The following LMO3 variants were observed in gnomAD, a reference collection of about 807,000 sequenced individuals.
LMO3 encodes the protein LIM domain only protein 3.
In LMO3, 2 loss-of-function variants were observed where a neutral mutation model predicts 15.8. That is an observed-to-expected ratio of 0.13 (90% CI 0.05 to 0.40). The LOEUF is 0.40. Ranked by LOEUF, LMO3 falls within the 10% of genes least tolerant of loss-of-function variation. The pLI is 0.99. For missense variants in LMO3, 86 were observed against 182.2 expected (o/e 0.47, Z 3.04); for synonymous variants, 62 against 63.8 (o/e 0.97, Z 0.13).
At chr12:16,553,342 A>G (rs1438465067) in intron 3 of LMO3, among the ~76,000 whole-genome samples, 1 of 152,176 alleles carries the variant, frequency 6.6e-6, no homozygotes, top group Non-Finnish European at 1.5e-5. Flanking sequence ...TGCAGGCTAC[A>G]AGAATAATGT....
Position 16,604,731 on chromosome 12 carries a change from T to C in LMO3, c.-9+1335A>G. ...GATTAATTGGTTTAAGCAGCAGTCT[T>C]TCAAAGCAGTTACAACAATAATATT... On this transcript the variant is annotated intron_variant, in intron 1 of 3. Transcript: ENST00000537304. The surrounding 1 kb of genome is among the most constrained non-coding windows in gnomAD (Gnocchi z 5.3). The C allele has an allele frequency of 1.0e-6, 1 of 975,912 alleles. No homozygotes were observed. Among genetic ancestry groups the C allele is most frequent in the Non-Finnish European group, 1.6e-6 (1 of 636,844 alleles). The allele number at this position is 975,912 out of a possible 1,614,324, so 60.5% of individuals were successfully genotyped here.
chr12:16,600,805 T>G lies in LMO3; in HGVS notation c.56A>C (p.Lys19Thr). The G allele has an allele frequency of 6.2e-7, 1 of 1,614,172 alleles. No individual in the cohort carries two copies. Among genetic ancestry groups the G allele is most frequent in the East Asian group, 2.2e-5 (1 of 44,874 alleles). The change falls in exon 2 of 4, where the codon AAG (lysine) becomes ACG (threonine). Residue 19 changes from lysine to threonine, a missense_variant. Lys to Thr is a moderately conservative substitution (Grantham distance 78). Around this residue, in one of 3 missense-constraint regions of LMO3, gnomAD observed 16 missense variants for 21.8 expected, o/e 0.73. Transcript: ENST00000537304. Reference protein sequence around the residue: ...KPKGCAGCNRKIKDRYLLKAL... With the variant: ...KPKGCAGCNRTIKDRYLLKAL... ...CTTTAGAAGATACCGGTCCTTGATC[T>G]TTCGGTTGCAGCCAGCACAACCTTT...
At chr12:16,554,975 G>C (rs1942140438) in intron 3 of LMO3, among the ~76,000 whole-genome samples, 1 of 152,120 alleles carries the variant, frequency 6.6e-6, no homozygotes, top group Admixed American at 6.5e-5. Context: ...TTTAAATCTT[G>C]AGTCTACCAC....
chr12:16,571,398 T>C (rs1012757210), intron 2 of LMO3, among the ~76,000 whole-genome samples: 6 of 152,116 alleles, frequency 3.9e-5, no homozygotes, highest in Non-Finnish European at 7.4e-5. Context: ...ACACCATTTA[T>C]CTCATTAGTA....
chr12:16,558,614 A>G (rs1409636016), intron 3 of LMO3, among the ~76,000 whole-genome samples: 1 of 152,110 alleles, frequency 6.6e-6, no homozygotes, highest in African/African-American at 2.4e-5. Flanking sequence ...GACTGAATGA[A>G]CTTACTTTGA....
At chr12:16,563,078 A>G (rs533416610) in intron 2 of LMO3, among the ~76,000 whole-genome samples, 24 of 152,132 alleles carry the variant, frequency 1.6e-4, no homozygotes, top group African/African-American at 5.3e-4. Flanking sequence ...TGGAGGCTCC[A>G]TCAGTTTCCA....
At chr12:16,572,339 CT>C (rs59773866) in intron 2 of LMO3, among the ~76,000 whole-genome samples, 6,411 of 89,156 alleles carry the variant, frequency 0.072, 127 homozygotes, top group African/African-American at 0.19. Context: ...GGTCCAAACT[CT>C]TTTTTTTTTT....
chr12:16,552,039 C>G (rs1217268752), intron 3 of LMO3, among the ~76,000 whole-genome samples: 1 of 151,970 alleles, frequency 6.6e-6, no homozygotes, highest in Non-Finnish European at 1.5e-5. Flanking sequence ...ATAAACTAAA[C>G]TAGTTTCCAA....
rs1391518229 is a variant in LMO3, at chr12:16,551,197, T to C, written c.*25A>G. On this transcript the variant is annotated 3_prime_UTR_variant, in exon 4 of 4. Coordinates refer to ENST00000537304, the MANE Select transcript of LMO3 (RefSeq NM_018640.5). ...AGATAAAAGAATGTAGTGCTTTGTA[T>C]TCTTAATGGGGTGATGTTGATAGAT... 7.2e-7 allele frequency: 1 copy of C among 1,387,244 alleles called. No homozygotes were observed. The highest frequency in any genetic ancestry group is 1.7e-5 in the Admixed American group (1 of 59,608). The allele number at this position is 1,387,244 out of a possible 1,614,324, so 85.9% of individuals were successfully genotyped here.
At position 16,597,867 on chromosome 12, in the gene LMO3, A is replaced by C. The variant is rs2137680465; in HGVS notation, c.206+2788T>G. The C allele has an allele frequency of 6.6e-6, 1 of 152,070 alleles. No homozygotes were observed. The highest frequency in any genetic ancestry group is 1.9e-4 in the East Asian group (1 of 5,192). 9.4% of individuals were successfully genotyped at this position (152,070 alleles called of 1,614,324 possible). On this transcript the variant is annotated intron_variant, in intron 2 of 3. Transcript: ENST00000537304. This position sits in a 1 kb window ranked among gnomAD's most constrained non-coding sequence, Gnocchi z 5.0. ...AGGAAAATGAGAAAAATTACTTTTAAAGCTCAGGAAAATAACCACAGAATA... is the reference window on the plus strand; with the variant it reads ...AGGAAAATGAGAAAAATTACTTTTACAGCTCAGGAAAATAACCACAGAATA...
intron 2 of LMO3, among the ~76,000 whole-genome samples, chr12:16,564,180 A>G (rs1942506815): frequency 6.6e-6 from 1 of 152,204 alleles, no homozygotes; most frequent in Non-Finnish European, 1.5e-5. Flanking sequence ...TAAAAATCAA[A>G]CAGACAACTT....
chr12:16,571,208 G>T (rs1269654038), intron 2 of LMO3, among the ~76,000 whole-genome samples: 1 of 151,922 alleles, frequency 6.6e-6, no homozygotes, highest in Non-Finnish European at 1.5e-5. Flanking sequence ...CAAAGAAAAG[G>T]GATGCAAAAA....
In LMO3 at chr12:16,593,111, C is replaced by T. The variant is rs1378256061; in HGVS notation, c.206+7544G>A. Among the ~76,000 whole-genome samples the T allele has an allele frequency of 1.3e-5, 2 of 151,652 alleles. No homozygotes were observed. Among genetic ancestry groups the T allele is most frequent in the African/African-American group, 4.8e-5 (2 of 41,340 alleles). ...GAAGTTCCATGCCTGCTTACTAGTC[C>T]TTGTCATATCTGATATTTATGTTTA... On this transcript the variant is annotated intron_variant, in intron 2 of 3. Coordinates refer to ENST00000537304, the MANE Select transcript of LMO3 (RefSeq NM_018640.5). This position sits in a 1 kb window ranked among gnomAD's most constrained non-coding sequence, Gnocchi z 4.2.
chr12:16,554,718 C>T (rs1450989602), intron 3 of LMO3, among the ~76,000 whole-genome samples: 3 of 152,150 alleles, frequency 2.0e-5, no homozygotes, highest in East Asian at 1.9e-4. Flanking sequence ...GGCCTGACTC[C>T]GGAGAGGGAG....
Position 16,584,294 on chromosome 12 carries a change from T to C in LMO3, c.206+16361A>G, listed in dbSNP as rs1000357048. The stretch of plus-strand genomic sequence containing the variant: ...GGCTTCATGGAATGTGGGATTTACA[T>C]GAGTAAGTAGTACCTTGCACCTGTT... On this transcript the variant is annotated intron_variant, in intron 2 of 3. Transcript: ENST00000537304. This position sits in a 1 kb window ranked among gnomAD's most constrained non-coding sequence, Gnocchi z 5.2. Among the ~76,000 whole-genome samples the C allele has an allele frequency of 1.3e-5, 2 of 152,148 alleles. No homozygotes were observed. The highest frequency in any genetic ancestry group is 4.8e-5 in the African/African-American group (2 of 41,438).
chr12:16,606,107 A>G lies in LMO3; in HGVS notation c.-50T>C. 1 of 329,938 alleles carries G rather than the reference A, an allele frequency of 3.0e-6. No individual in the cohort carries two copies. Among genetic ancestry groups the G allele is most frequent in the Non-Finnish European group, 5.5e-6 (1 of 180,468 alleles). The allele number at this position is 329,938 out of a possible 1,614,324, so 20.4% of individuals were successfully genotyped here. A position where few individuals can be genotyped will look rare whatever the true frequency, so the allele number is the denominator to read the frequency against. On this transcript the variant is annotated 5_prime_UTR_variant, in exon 1 of 4. Coordinates refer to ENST00000537304, the MANE Select transcript of LMO3 (RefSeq NM_018640.5). ...TACAGGGGGAGGCCGTTCAGTAAGC[A>G]CAGTGGCTGCTTTGTAGCGCTTCTC... is the stretch of plus-strand genomic sequence containing the variant.
intron 2 of LMO3, among the ~76,000 whole-genome samples, chr12:16,590,756 C>A (rs1398303272): frequency 1.3e-5 from 2 of 151,958 alleles, no homozygotes; most frequent in African/African-American, 4.8e-5. Context: ...TATAGATATT[C>A]CATTTGCCAT....
chr12:16,593,016 TGA>T lies in LMO3; in HGVS notation c.206+7637_206+7638del, dbSNP rs892840153. 1.3e-5 allele frequency among the ~76,000 whole-genome samples: 2 copies of T among 151,870 alleles called. No homozygotes were observed. The highest frequency in any genetic ancestry group is 2.9e-5 in the Non-Finnish European group (2 of 67,828). On this transcript the variant is annotated intron_variant, in intron 2 of 3. Transcript: ENST00000537304. The surrounding 1 kb of genome is among the most constrained non-coding windows in gnomAD (Gnocchi z 4.2). ...GCTTGTTGGGATCCCACAGCATAAA[TGA>T]GACAGGAATTTATTTTTTCTCTGTG...
At chr12:16,570,212 T>A (rs909031580) in intron 2 of LMO3, among the ~76,000 whole-genome samples, 4 of 152,170 alleles carry the variant, frequency 2.6e-5, no homozygotes, top group African/African-American at 9.6e-5. Flanking sequence ...AATAGGGTTT[T>A]CTAGGTGAAA....
Sources: allele counts gnomAD v4.1 joint callset (sites outside exome capture counted in the v4.1 genomes callset), GRCh38; gene constraint gnomAD v4.1.1; regional missense constraint gnomAD v4.1.1; non-coding constraint Gnocchi (gnomAD v3.1); transcripts MANE v1.5; gene names NCBI Gene and HGNC (gene_info 2026-07-23, HGNC 2026-07-21).